Variants in TAFA1 observed in about 807,000 individuals in gnomAD.
TAFA1 encodes TAFA chemokine like family member 1.
Under a neutral mutation model 18.5 loss-of-function variants are expected in TAFA1, and 4 were observed. That is an observed-to-expected ratio of 0.22 (90% CI 0.11 to 0.49). TAFA1 has a LOEUF of 0.49. Among genes scored for constraint, TAFA1 ranks in the 20% least tolerant of loss-of-function variants. TAFA1 has a pLI of 0.98. For synonymous variants in TAFA1, 56 were observed against 55.2 expected (o/e 1.01, Z -0.06); for missense variants, 147 against 169.0 (o/e 0.87, Z 0.72).
At chr3:68,483,358 A>G (rs1415250286) in intron 3 of TAFA1, among the ~76,000 whole-genome samples, 1 of 152,214 alleles carries the variant, frequency 6.6e-6, no homozygotes, top group Non-Finnish European at 1.5e-5. Context: ...AATCATAGAC[A>G]ATATGTACCC....
At chr3:68,415,192 C>T (rs1031848203) in intron 2 of TAFA1, among the ~76,000 whole-genome samples, 1 of 152,154 alleles carries the variant, frequency 6.6e-6, no homozygotes. Context: ...CTACCTTGTA[C>T]TTCTCCAACT....
intron 3 of TAFA1, among the ~76,000 whole-genome samples, chr3:68,441,247 G>C (rs2071373757): frequency 6.6e-6 from 1 of 152,138 alleles, no homozygotes; most frequent in South Asian, 2.1e-4. Context: ...TCTGCAACAG[G>C]TGCAGGCTGC....
At chr3:68,084,321 A>G (rs113697337) in intron 2 of TAFA1, among the ~76,000 whole-genome samples, 1 of 152,206 alleles carries the variant, frequency 6.6e-6, no homozygotes, top group Non-Finnish European at 1.5e-5. Context: ...CTTAGAAAAG[A>G]TAAGAATTTC....
chr3:68,251,507 CA>C (rs1298828394), intron 2 of TAFA1, among the ~76,000 whole-genome samples: 3 of 152,000 alleles, frequency 2.0e-5, no homozygotes, highest in Admixed American at 6.5e-5. Flanking sequence ...ATGAAGAAAA[CA>C]AAGATTTGCA....
intron 2 of TAFA1, among the ~76,000 whole-genome samples, chr3:68,274,431 GA>G (rs1037955747): frequency 2.0e-5 from 3 of 152,204 alleles, no homozygotes; most frequent in African/African-American, 7.2e-5. Flanking sequence ...ATACATTCAA[GA>G]AAAGCCAAAG....
At chr3:68,354,157 A>ATT (rs35665922) in intron 2 of TAFA1, among the ~76,000 whole-genome samples, 22 of 150,440 alleles carry the variant, frequency 1.5e-4, no homozygotes, top group South Asian at 2.1e-4. Flanking sequence ...TATTTTTCTA[A>ATT]TTTTTTTTTT....
At chr3:68,531,037 A>AACAAAACAAT (rs1559708017) in intron 3 of TAFA1, among the ~76,000 whole-genome samples, 1 of 151,862 alleles carries the variant, frequency 6.6e-6, no homozygotes, top group African/African-American at 2.4e-5. Flanking sequence ...AACAAAACAA[A>AACAAAACAAT]ACAAAACAAA....
intron 2 of TAFA1, among the ~76,000 whole-genome samples, chr3:68,313,767 C>T (rs2068561316): frequency 6.6e-6 from 1 of 152,158 alleles, no homozygotes; most frequent in Non-Finnish European, 1.5e-5. Context: ...TGTTGTTTGC[C>T]TAAATCAATC....
At chr3:68,369,928 G>A (rs948857446) in intron 2 of TAFA1, among the ~76,000 whole-genome samples, 5 of 152,052 alleles carry the variant, frequency 3.3e-5, no homozygotes, top group Non-Finnish European at 7.4e-5. Flanking sequence ...GTGCTTTTAA[G>A]GCACTCAGGA....
At chr3:68,514,345 C>A (rs1162907147) in intron 3 of TAFA1, among the ~76,000 whole-genome samples, 2 of 152,150 alleles carry the variant, frequency 1.3e-5, no homozygotes, top group African/African-American at 4.8e-5. Flanking sequence ...ATACCTCCAA[C>A]TTTGAAACAG....
At chr3:68,184,128 T>C (rs953927922) in intron 2 of TAFA1, among the ~76,000 whole-genome samples, 2 of 152,148 alleles carry the variant, frequency 1.3e-5, no homozygotes, top group Non-Finnish European at 2.9e-5. Context: ...AGAGAGGAAC[T>C]GGACATCAAA....
chr3:68,146,992 A>C (rs1221629590), intron 2 of TAFA1, among the ~76,000 whole-genome samples: 1 of 151,400 alleles, frequency 6.6e-6, no homozygotes, highest in African/African-American at 2.4e-5. Context: ...AAGGACTTTA[A>C]AATACCTCTT....
intron 2 of TAFA1, among the ~76,000 whole-genome samples, chr3:68,296,300 T>C (rs2068206951): frequency 6.6e-6 from 1 of 152,198 alleles, no homozygotes; most frequent in South Asian, 2.1e-4. Flanking sequence ...TGGTATCCTG[T>C]TGAATTTCAG....
chr3:68,295,814 T>C (rs147599839), intron 2 of TAFA1, among the ~76,000 whole-genome samples: 2 of 152,282 alleles, frequency 1.3e-5, no homozygotes, highest in Non-Finnish European at 2.9e-5. Context: ...CTTGCTATGT[T>C]GCCCAGGCTA....
chr3:68,353,917 C>A (rs777860237), intron 2 of TAFA1, among the ~76,000 whole-genome samples: 6 of 151,994 alleles, frequency 3.9e-5, no homozygotes, highest in Non-Finnish European at 7.4e-5. Flanking sequence ...AATGCTGCAA[C>A]TAATTCATAC....
intron 2 of TAFA1, among the ~76,000 whole-genome samples, chr3:68,294,419 A>T (rs1175248747): frequency 1.3e-5 from 2 of 152,210 alleles, no homozygotes; most frequent in African/African-American, 4.8e-5. Flanking sequence ...ATTTTATACC[A>T]ACTCTTCAAA....
At chr3:68,539,682 GGGGC>G (rs1266683014) in intron 4 of TAFA1, among the ~76,000 whole-genome samples, 1 of 13,660 alleles carries the variant, frequency 7.3e-5, no homozygotes, top group Non-Finnish European at 3.3e-4. Context: ...TGTGTGTGGG[GGGGC>G]ATGGGGTGGG....
intron 2 of TAFA1, among the ~76,000 whole-genome samples, chr3:68,402,389 C>T (rs964584979): frequency 6.6e-6 from 1 of 152,174 alleles, no homozygotes; most frequent in Non-Finnish European, 1.5e-5. Context: ...CACATCCGTG[C>T]AGCCAGAGAG....
intron 2 of TAFA1, among the ~76,000 whole-genome samples, chr3:68,328,378 T>C (rs1161622082): frequency 1.3e-5 from 2 of 152,232 alleles, no homozygotes; most frequent in African/African-American, 2.4e-5. Context: ...AGAAGGACAG[T>C]CTCTTCTTCT....
Sources: gnomAD v4.1 joint callset for allele counts (sites outside exome capture counted in the v4.1 genomes callset) on GRCh38, gnomAD v4.1.1 for gene constraint, MANE v1.5 for transcripts, NCBI Gene and HGNC (gene_info 2026-07-23, HGNC 2026-07-21) for gene names.